Variants in PARD3B observed in about 807,000 individuals in gnomAD.
The protein encoded by PARD3B is par-3 family cell polarity regulator beta.
Under a neutral mutation model 130.2 loss-of-function variants are expected in PARD3B, and 103 were observed. The ratio of observed to expected loss-of-function variants is 0.79; its 90% CI spans 0.67 to 0.93. The LOEUF (loss-of-function observed/expected upper bound fraction) is 0.93, where lower values mean the gene tolerates loss of function less well. Among genes scored for constraint, PARD3B ranks in the 40% least tolerant of loss-of-function variants. The pLI is 0.00. For missense variants in PARD3B, 1,609 were observed against 1,499.2 expected (o/e 1.07, Z -1.21); for synonymous variants, 583 against 553.2 (o/e 1.05, Z -0.76).
At chr2:205,303,913 CT>C (rs1451120023) in intron 18 of PARD3B, among the ~76,000 whole-genome samples, 7 of 152,200 alleles carry the variant, frequency 4.6e-5, no homozygotes, top group African/African-American at 1.7e-4. Context: ...CCTATAATTT[CT>C]TCTCAAATCA....
At position 204,610,971 on chromosome 2, in the gene PARD3B, T is replaced by G. The variant is rs2033898201; in HGVS notation, c.120+64852T>G. Among the ~76,000 whole-genome samples the G allele has an allele frequency of 6.6e-6, 1 of 152,222 alleles. No individual in the cohort carries two copies. Among genetic ancestry groups the G allele is most frequent in the Admixed American group, 6.5e-5 (1 of 15,280 alleles). On this transcript the variant is annotated intron_variant, in intron 1 of 22. Coordinates refer to ENST00000406610, the MANE Select transcript of PARD3B (RefSeq NM_001302769.2). The surrounding 1 kb of genome is among the most constrained non-coding windows in gnomAD (Gnocchi z 4.1). Reference sequence around the variant, plus strand: ...TGTTCCCAAACTGCATTTCCTGCTTTTCGAAATCATTTCTCTCATACCATC... The same window carrying G: ...TGTTCCCAAACTGCATTTCCTGCTTGTCGAAATCATTTCTCTCATACCATC...
At position 205,107,089 on chromosome 2, in the gene PARD3B, G is replaced by A. The variant is rs1456719012; in HGVS notation, c.593+2575G>A. 4.6e-5 allele frequency among the ~76,000 whole-genome samples: 7 copies of A among 152,286 alleles called. No individual in the cohort carries two copies. The South Asian group carries it at 8.3e-4, about 18-fold the overall frequency. ...CACGTAGAAGCTAAGTAAATTATTT[G>A]TAGTCTATCTCAAAATGTCTTGTAA... On this transcript the variant is annotated intron_variant, in intron 5 of 22. Coordinates refer to ENST00000406610, the MANE Select transcript of PARD3B (RefSeq NM_001302769.2).
chr2:204,552,311 C>A (rs2030521782), intron 1 of PARD3B, among the ~76,000 whole-genome samples: 1 of 152,126 alleles, frequency 6.6e-6, no homozygotes, highest in African/African-American at 2.4e-5. Context: ...CAAAAACTAG[C>A]TGGGTTTGAG....
intron 1 of PARD3B, among the ~76,000 whole-genome samples, chr2:204,683,418 C>T (rs2036930738): frequency 6.6e-6 from 1 of 151,922 alleles, no homozygotes. Context: ...GCAATAAAAC[C>T]ATGTAAATGA....
At chr2:205,166,809 C>T (rs578043274) in intron 11 of PARD3B, among the ~76,000 whole-genome samples, 1 of 152,272 alleles carries the variant, frequency 6.6e-6, no homozygotes, top group Admixed American at 6.5e-5. Context: ...GGAACATCTG[C>T]TCTGCAACCT....
intron 18 of PARD3B, among the ~76,000 whole-genome samples, chr2:205,329,370 A>G (rs2541154): frequency 0.88 from 133,918 of 152,276 alleles, 59,074 homozygotes; most frequent in Admixed American, 0.92. Flanking sequence ...TTGGGGCAAT[A>G]TTCACCCACT....
chr2:205,131,063 A>G (rs1373444116), intron 10 of PARD3B, among the ~76,000 whole-genome samples: 1 of 152,192 alleles, frequency 6.6e-6, no homozygotes, highest in Non-Finnish European at 1.5e-5. Context: ...CATAAATTAT[A>G]GAATTTTGGT....
chr2:205,270,383 A>G (rs2105795927), intron 16 of PARD3B, among the ~76,000 whole-genome samples: 1 of 152,248 alleles, frequency 6.6e-6, no homozygotes, highest in Admixed American at 6.5e-5. Context: ...CCTGACCAAC[A>G]TGGTGAAACC....
intron 2 of PARD3B, among the ~76,000 whole-genome samples, chr2:204,724,742 G>A (rs958701647): frequency 6.6e-6 from 1 of 150,952 alleles, no homozygotes; most frequent in African/African-American, 2.4e-5. Flanking sequence ...TTGCTTTCAA[G>A]GAGTTCATGA....
At chr2:205,123,218 A>G (rs557303707) in intron 8 of PARD3B, among the ~76,000 whole-genome samples, 2 of 152,224 alleles carry the variant, frequency 1.3e-5, no homozygotes, top group African/African-American at 4.8e-5. Context: ...GACTGGTTGT[A>G]GGAAGGAAAA....
At chr2:205,361,672 T>C (rs1269939008) in intron 18 of PARD3B, among the ~76,000 whole-genome samples, 1 of 152,224 alleles carries the variant, frequency 6.6e-6, no homozygotes, top group East Asian at 1.9e-4. Context: ...TAGGTTTTAC[T>C]CACTTAACTA....
At chr2:204,794,369 A>G (rs2042298128) in intron 2 of PARD3B, among the ~76,000 whole-genome samples, 1 of 152,228 alleles carries the variant, frequency 6.6e-6, no homozygotes, top group Non-Finnish European at 1.5e-5. Context: ...CCTTGATGTC[A>G]TGATGCACTA....
chr2:205,452,763 G>A (rs1296835284), intron 20 of PARD3B, among the ~76,000 whole-genome samples: 1 of 152,124 alleles, frequency 6.6e-6, no homozygotes, highest in Non-Finnish European at 1.5e-5. Context: ...TCAGTGTCCA[G>A]GGGTGACAGA....
At chr2:205,320,414 G>A (rs2042713267) in intron 18 of PARD3B, among the ~76,000 whole-genome samples, 1 of 152,166 alleles carries the variant, frequency 6.6e-6, no homozygotes, top group South Asian at 2.1e-4. Context: ...CTGCTCTTCA[G>A]TTTTGCATTT....
intron 2 of PARD3B, among the ~76,000 whole-genome samples, chr2:204,733,806 A>C (rs911390737): frequency 6.6e-6 from 1 of 152,048 alleles, no homozygotes; most frequent in African/African-American, 2.4e-5. Flanking sequence ...TCTGATCAGC[A>C]AGTGGTATTA....
intron 4 of PARD3B, among the ~76,000 whole-genome samples, chr2:205,081,362 TA>T (rs1327324743): frequency 6.6e-6 from 1 of 152,082 alleles, no homozygotes; most frequent in African/African-American, 2.4e-5. Context: ...CAGCACCATT[TA>T]TTTTTTATGG....
At chr2:204,665,101 C>T (rs1453621718) in intron 1 of PARD3B, among the ~76,000 whole-genome samples, 1 of 149,186 alleles carries the variant, frequency 6.7e-6, no homozygotes, top group Non-Finnish European at 1.5e-5. Flanking sequence ...CTATGATTTT[C>T]TTGTTTTTGT....
intron 2 of PARD3B, among the ~76,000 whole-genome samples, chr2:204,863,716 A>G (rs902293471): frequency 6.6e-6 from 1 of 152,220 alleles, no homozygotes; most frequent in Non-Finnish European, 1.5e-5. Flanking sequence ...AGAAAAGCAT[A>G]TTGGGATAAG....
chr2:205,415,526 G>A (rs190824470), intron 19 of PARD3B, among the ~76,000 whole-genome samples: 76 of 152,182 alleles, frequency 5.0e-4, no homozygotes, highest in African/African-American at 1.6e-3. Flanking sequence ...GTGTGTATAC[G>A]ACTTAAGGTA....
Sources: allele counts gnomAD v4.1 joint callset (sites outside exome capture counted in the v4.1 genomes callset), GRCh38; gene constraint gnomAD v4.1.1; non-coding constraint Gnocchi (gnomAD v3.1); transcripts MANE v1.5; gene names NCBI Gene and HGNC (gene_info 2026-07-23, HGNC 2026-07-21).